MORC1: variants seen among roughly 807,000 people sequenced by gnomAD.
MORC1 encodes the protein MORC family CW-type zinc finger protein 1.
Under a neutral mutation model 134.9 loss-of-function variants are expected in MORC1, and 59 were observed. The observed-to-expected ratio is 0.44, with a 90% CI of 0.35 to 0.54. MORC1 has a LOEUF of 0.54. MORC1 is among the 20% of genes least tolerant of loss of function. The pLI, the probability that MORC1 is intolerant of heterozygous loss-of-function variation, is 0.00. For missense variants in MORC1, 947 were observed against 1,134.5 expected (o/e 0.83, Z 2.37); for synonymous variants, 395 against 391.7 (o/e 1.01, Z -0.10).
intron 8 of MORC1, among the ~76,000 whole-genome samples, chr3:109,092,207 G>C (rs1950742728): frequency 6.6e-6 from 1 of 152,044 alleles, no homozygotes; most frequent in Admixed American, 6.6e-5. Flanking sequence ...AGCATTTGTG[G>C]AACAGCCATT....
intron 4 of MORC1, chr3:109,101,681 A>G (rs1950927514): frequency 6.6e-6 from 1 of 152,260 alleles, no homozygotes; most frequent in African/African-American, 2.4e-5. Flanking sequence ...GCTAACACTT[A>G]TTGATTGTTT....
rs148211769 is a variant in MORC1 at position 109,104,417 on chromosome 3, ATACT to A, written c.155-504_155-501del. Reference sequence around the variant, plus strand: ...TGTGAGTGCATCTTCATGGGAGCAAATACTTACCTCTTCAAGACGCACTTAATTT... The same window carrying A: ...TGTGAGTGCATCTTCATGGGAGCAAATACCTCTTCAAGACGCACTTAATTT... On this transcript the variant is annotated intron_variant, in intron 3 of 27. Coordinates refer to ENST00000232603, the MANE Select transcript of MORC1 (RefSeq NM_014429.4). Among the ~76,000 whole-genome samples, 674 of 152,342 alleles carry A rather than the reference ATACT, an allele frequency of 4.4e-3. 3 individuals carry two copies. The highest frequency in any genetic ancestry group is 0.015 in the African/African-American group (621 of 41,570).
At chr3:108,962,243 G>C (rs1056304889) in intron 27 of MORC1, among the ~76,000 whole-genome samples, 2 of 151,100 alleles carry the variant, frequency 1.3e-5, no homozygotes, top group African/African-American at 4.9e-5. Flanking sequence ...AGGGGAGAGG[G>C]ACATCTCTTT....
intron 9 of MORC1, among the ~76,000 whole-genome samples, chr3:109,065,399 A>C (rs978155964): frequency 4.6e-5 from 7 of 152,070 alleles, no homozygotes; most frequent in Non-Finnish European, 8.8e-5. Context: ...CCATCTTCCC[A>C]CAAAATTATT....
chr3:109,021,923 G>T (rs1229617700), intron 17 of MORC1, among the ~76,000 whole-genome samples: 2 of 152,174 alleles, frequency 1.3e-5, no homozygotes, highest in Admixed American at 1.3e-4. Context: ...TGCCTTCAAA[G>T]GACTTGTACA....
At chr3:109,011,599 G>A (rs960925557) in intron 17 of MORC1, among the ~76,000 whole-genome samples, 16 of 150,262 alleles carry the variant, frequency 1.1e-4, no homozygotes, top group African/African-American at 3.0e-4. Flanking sequence ...TGAGCTCACC[G>A]CAACCTCCGC....
intron 26 of MORC1, 83 bp downstream of exon 26, chr3:108,969,586 T>C: frequency 1.5e-6 from 2 of 1,377,404 alleles, no homozygotes; most frequent in Non-Finnish European, 2.1e-6. Context: ...CTTTCAAACC[T>C]AACATTTGGA....
intron 8 of MORC1, among the ~76,000 whole-genome samples, chr3:109,092,568 T>TA (rs1312964365): frequency 6.6e-6 from 1 of 151,266 alleles, no homozygotes; most frequent in South Asian, 2.1e-4. Flanking sequence ...ACTTTGGATT[T>TA]AAAAAAAAAT....
At position 108,986,879 on chromosome 3, in the gene MORC1, C is replaced by T. The variant is rs369776043; in HGVS notation, c.2257+1G>A. The T allele has an allele frequency of 1.1e-5, 16 of 1,485,694 alleles. No individual in the cohort carries two copies. Among genetic ancestry groups the T allele is most frequent in the South Asian group, 1.3e-5 (1 of 77,110 alleles). 92.0% of individuals were successfully genotyped at this position (1,485,694 alleles called of 1,614,324 possible). On this transcript the variant is annotated splice_donor_variant, in intron 22 of 27. Coordinates refer to ENST00000232603, the MANE Select transcript of MORC1 (RefSeq NM_014429.4). LOFTEE classifies it high-confidence loss of function. ...ATATACATGAGCTGATTTTTTTTTACCTTGGTTTAAAAGAGGAATTTCCTT... is the reference window on the plus strand; with the variant it reads ...ATATACATGAGCTGATTTTTTTTTATCTTGGTTTAAAAGAGGAATTTCCTT...
intron 14 of MORC1, among the ~76,000 whole-genome samples, chr3:109,041,613 C>G (rs1334762911): frequency 1.3e-5 from 2 of 152,046 alleles, no homozygotes; most frequent in Non-Finnish European, 2.9e-5. Flanking sequence ...CTTTCAGAGG[C>G]CAAGGCGGGC....
At chr3:108,982,900 T>G (rs1947782285) in intron 23 of MORC1, among the ~76,000 whole-genome samples, 2 of 151,768 alleles carry the variant, frequency 1.3e-5, no homozygotes, top group Non-Finnish European at 1.5e-5. Flanking sequence ...TATTTTTGCT[T>G]CTTCGTGAAA....
intron 19 of MORC1, 81 bp downstream of exon 19, chr3:109,004,988 TG>T: frequency 6.4e-7 from 1 of 1,572,268 alleles, no homozygotes; most frequent in South Asian, 1.2e-5. Context: ...TGTCTTAAAA[TG>T]TGAAAATGAA....
At chr3:109,023,978 G>A (rs1949018202) in intron 17 of MORC1, among the ~76,000 whole-genome samples, 2 of 152,200 alleles carry the variant, frequency 1.3e-5, no homozygotes, top group South Asian at 4.1e-4. Context: ...GGGATGGGTT[G>A]TATTCAGAAG....
chr3:109,050,495 C>T (rs1226025428), intron 14 of MORC1, among the ~76,000 whole-genome samples: 1 of 152,130 alleles, frequency 6.6e-6, no homozygotes, highest in African/African-American at 2.4e-5. Flanking sequence ...AGGCTCTGCT[C>T]TCATGATCTC....
intron 17 of MORC1, among the ~76,000 whole-genome samples, chr3:109,010,897 G>C (rs930802452): frequency 6.6e-6 from 1 of 152,096 alleles, no homozygotes; most frequent in Non-Finnish European, 1.5e-5. Context: ...TTGTCCTTTC[G>C]CCTTTTGATG....
At chr3:109,104,741 A>T (rs1950991390) in intron 3 of MORC1, among the ~76,000 whole-genome samples, 1 of 152,140 alleles carries the variant, frequency 6.6e-6, no homozygotes, top group Non-Finnish European at 1.5e-5. Context: ...TGGCCCTGAA[A>T]ATGATTTCAG....
At chr3:108,959,323 T>G (rs942012089) in intron 27 of MORC1, among the ~76,000 whole-genome samples, 2 of 152,166 alleles carry the variant, frequency 1.3e-5, no homozygotes, top group African/African-American at 2.4e-5. Flanking sequence ...CTTGGTTCAT[T>G]TTTTTTATTC....
chr3:109,034,064 A>G (rs1420300926), intron 15 of MORC1, among the ~76,000 whole-genome samples: 1 of 152,124 alleles, frequency 6.6e-6, no homozygotes. Flanking sequence ...CTTCTAAGTA[A>G]CTGTCTTTTA....
rs1302822070 is a variant in MORC1, at chr3:108,958,980, C to T, written c.2940G>A (p.Lys980=). 6.7e-7 allele frequency: 1 copy of T among 1,500,166 alleles called. No individual in the cohort carries two copies. The highest frequency in any genetic ancestry group is 8.9e-7 in the Non-Finnish European group (1 of 1,125,158). The allele number at this position is 1,500,166 out of a possible 1,614,324, so 92.9% of individuals were successfully genotyped here. A position where few individuals can be genotyped will look rare whatever the true frequency, so the allele number is the denominator to read the frequency against. ...RHRLPLEKNE[K]TSEN is the part of the protein sequence containing the mutation. ...CATCTCTGACTTAATTTTCCGAAGT[C>T]TTTTCATTTTTTTCTAAAGGGAGTC... The change falls in exon 28 of 28, where the codon AAG becomes AAA. Residue 980 remains lysine (K), a synonymous_variant. Transcript: ENST00000232603.
Sources: allele counts gnomAD v4.1 joint callset (sites outside exome capture counted in the v4.1 genomes callset), GRCh38; gene constraint gnomAD v4.1.1; transcripts MANE v1.5; gene names NCBI Gene and HGNC (gene_info 2026-07-23, HGNC 2026-07-21).